FBN1: variants seen among roughly 807,000 people sequenced by gnomAD.
FBN1 encodes fibrillin-1.
A neutral mutation model predicts 365.1 loss-of-function variants in FBN1; 29 were observed. That is an observed-to-expected ratio of 0.08 (90% CI 0.06 to 0.11). The LOEUF (loss-of-function observed/expected upper bound fraction) is 0.11. Among genes scored for constraint, FBN1 ranks in the 10% least tolerant of loss-of-function variants. The probability of loss-of-function intolerance (pLI) is 1.00; values close to 1 mark genes in which losing one functional copy is unlikely to be tolerated. For missense variants in FBN1, 2,476 were observed against 3,703.2 expected (o/e 0.67, Z 8.60); for synonymous variants, 1,210 against 1,270.5 (o/e 0.95, Z 1.01).
chr15:48,575,748 A>G (rs1043681454), intron 6 of FBN1, among the ~76,000 whole-genome samples: 2 of 152,050 alleles, frequency 1.3e-5, no homozygotes, highest in Admixed American at 1.3e-4. Flanking sequence ...AAGCAAAGAT[A>G]TAGAATCAAC....
chr15:48,616,908 C>T (rs1338618263), intron 2 of FBN1, among the ~76,000 whole-genome samples: 4 of 151,846 alleles, frequency 2.6e-5, no homozygotes, highest in Non-Finnish European at 5.9e-5. Context: ...ATGTTTAACA[C>T]TAAAAAAAAA....
chr15:48,412,111 G>A (rs1023132601), intron 65 of FBN1, among the ~76,000 whole-genome samples: 1 of 152,228 alleles, frequency 6.6e-6, no homozygotes, highest in African/African-American at 2.4e-5. Flanking sequence ...CGTAGGCAAA[G>A]GAAACCAGGC....
At chr15:48,621,551 T>A (rs779279592) in intron 2 of FBN1, among the ~76,000 whole-genome samples, 8 of 152,178 alleles carry the variant, frequency 5.3e-5, no homozygotes, top group Non-Finnish European at 1.2e-4. Flanking sequence ...CTGAGAACTG[T>A]GACAGCTAAG....
chr15:48,580,407 C>T (rs550812285), intron 6 of FBN1, among the ~76,000 whole-genome samples: 1 of 152,180 alleles, frequency 6.6e-6, no homozygotes, highest in Non-Finnish European at 1.5e-5. Context: ...TACGTTATAT[C>T]CCTCTGACAT....
At position 48,562,297 on chromosome 15, in the gene FBN1, C is replaced by T. The variant is rs75359142; in HGVS notation, c.539-24489G>A. ...TGGCAGACCGTAGGCCACAAAGAGG[C>T]CATGGATTACTGTGATATATCTACT... is the stretch of plus-strand genomic sequence containing the variant. On this transcript the variant is annotated intron_variant, in intron 6 of 65. Transcript: ENST00000316623. Among the ~76,000 whole-genome samples the T allele has an allele frequency of 3.5e-3, 527 of 152,254 alleles. 20 individuals are homozygous for T. In the East Asian group the frequency reaches 0.052, roughly 15 times the overall value.
At chr15:48,445,961 T>C (rs995922708) in intron 47 of FBN1, among the ~76,000 whole-genome samples, 2 of 152,136 alleles carry the variant, frequency 1.3e-5, no homozygotes, top group South Asian at 2.1e-4. Context: ...GGAGATTCTG[T>C]AGATTCAATG....
chr15:48,489,837 A>C lies in FBN1; in HGVS notation c.3082+14T>G. Reference sequence around the variant, plus strand: ...AAAGGGAGGCAATTGGCCATGGAAAACGTAACATTGTACCTTTGAAGAAAG... The same window carrying C: ...AAAGGGAGGCAATTGGCCATGGAAACCGTAACATTGTACCTTTGAAGAAAG... On this transcript the variant is annotated intron_variant, in intron 25 of 65. Transcript: ENST00000316623. 1 of 1,610,258 alleles carries C rather than the reference A, an allele frequency of 6.2e-7. No homozygotes were observed. Among genetic ancestry groups the C allele is most frequent in the Non-Finnish European group, 8.5e-7 (1 of 1,176,588 alleles).
chr15:48,436,071 C>G (rs2043070041), intron 53 of FBN1, among the ~76,000 whole-genome samples: 1 of 152,022 alleles, frequency 6.6e-6, no homozygotes, highest in Non-Finnish European at 1.5e-5. Flanking sequence ...CATATTAGCA[C>G]TAACTGAAGA....
intron 2 of FBN1, among the ~76,000 whole-genome samples, chr15:48,619,930 A>G (rs998494607): frequency 6.6e-6 from 1 of 152,078 alleles, no homozygotes; most frequent in Non-Finnish European, 1.5e-5. Flanking sequence ...GATACTCTAC[A>G]TGCTTCGACC....
Position 48,496,141 on chromosome 15 carries a change from G to C in FBN1, c.2378C>G (p.Pro793Arg). 1 of 1,613,716 alleles carries C rather than the reference G, an allele frequency of 6.2e-7. No individual in the cohort carries two copies. Among genetic ancestry groups the C allele is most frequent in the South Asian group, 1.1e-5 (1 of 91,062 alleles). The change falls in exon 20 of 66, where the codon CCC becomes CGC. Residue 793 changes from proline (P) to arginine (R), a missense_variant. Pro to Arg is a moderately radical substitution (Grantham distance 103). This residue lies in a region of FBN1 where 1,780 missense variants were observed against 2,840.8 expected (regional missense o/e 0.63). Coordinates refer to ENST00000316623, the MANE Select transcript of FBN1 (RefSeq NM_000138.5). ...ATCAGGTTTGTAGATAAATCCCTTG[G>C]GGCAGGTACAGACAAAACTTCCAGG... ...NTPGSFVCTC[P>R]KGFIYKPDLK...
intron 2 of FBN1, chr15:48,643,121 G>C (rs1456721360): frequency 6.6e-6 from 1 of 152,166 alleles, no homozygotes; most frequent in Non-Finnish European, 1.5e-5. Flanking sequence ...TAGATATTAA[G>C]ATATTATTAT....
chr15:48,445,568 C>T (rs1458305044), intron 47 of FBN1, 64 bp from the exon 48 acceptor site: 3 of 1,562,858 alleles, frequency 1.9e-6, no homozygotes, highest in Non-Finnish European at 2.6e-6. Context: ...CAGCAATAAT[C>T]AAAACTTCTA....
intron 58 of FBN1, 75 bp from the exon 59 acceptor site, chr15:48,425,939 T>C: frequency 8.8e-7 from 1 of 1,138,810 alleles, no homozygotes; most frequent in Non-Finnish European, 1.3e-6. Flanking sequence ...GTCACTTCAG[T>C]GTAAATACTA....
intron 6 of FBN1, among the ~76,000 whole-genome samples, chr15:48,592,297 A>T (rs1052753173): frequency 2.0e-5 from 3 of 152,092 alleles, no homozygotes; most frequent in Non-Finnish European, 4.4e-5. Flanking sequence ...TATCTCCATC[A>T]TTCTTTTCTC....
At position 48,513,584 on chromosome 15, in the gene FBN1, C is replaced by A. The variant is rs794728169; in HGVS notation, c.1553G>T (p.Gly518Val). 1 of 1,614,046 alleles carries A rather than the reference C, an allele frequency of 6.2e-7. No homozygotes were observed. Among genetic ancestry groups the A allele is most frequent in the African/African-American group, 1.3e-5 (1 of 75,022 alleles). The change falls in exon 13 of 66, where the codon GGA becomes GTA. Residue 518 changes from glycine (G) to valine (V), a missense_variant. Physicochemically the swap from Gly to Val is moderately radical, Grantham distance 109. This residue lies in a region of FBN1 where 1,780 missense variants were observed against 2,840.8 expected (regional missense o/e 0.63). Coordinates refer to ENST00000316623, the MANE Select transcript of FBN1 (RefSeq NM_000138.5). ...QGSYTCQCRA[G>V]YQSTLTRTEC... ...TGTCCGCGTGAGTGTGCTCTGATAT[C>A]CAGCTCGGCACTGACAGGTGTACGA...
chr15:48,416,121 T>A (rs893389330), intron 63 of FBN1, among the ~76,000 whole-genome samples: 1 of 152,168 alleles, frequency 6.6e-6, no homozygotes, highest in Non-Finnish European at 1.5e-5. Flanking sequence ...TGAACCAACA[T>A]GGGGCTGGTC....
intron 2 of FBN1, among the ~76,000 whole-genome samples, chr15:48,626,759 A>C (rs1240077338): frequency 2.0e-5 from 3 of 152,154 alleles, no homozygotes; most frequent in African/African-American, 7.2e-5. Flanking sequence ...TTTATTTTTT[A>C]AACATTTAGA....
At chr15:48,601,427 G>C (rs1330047346) in intron 4 of FBN1, among the ~76,000 whole-genome samples, 1 of 152,168 alleles carries the variant, frequency 6.6e-6, no homozygotes, top group African/African-American at 2.4e-5. Context: ...TTGGAGGTTT[G>C]GCTTATTCTG....
In FBN1 at chr15:48,411,284, C is replaced by G; in HGVS notation, c.8322G>C (p.Lys2774Asn). 6.2e-7 allele frequency: 1 copy of G among 1,614,084 alleles called. No homozygotes were observed. Among genetic ancestry groups the G allele is most frequent in the Non-Finnish European group, 8.5e-7 (1 of 1,179,984 alleles). Reference sequence around the variant, plus strand: ...CTGGAAGGAGTTCTAGGATTCGAACCTTGTTACTGACGTGGGAAATATTGA... The same window carrying G: ...CTGGAAGGAGTTCTAGGATTCGAACGTTGTTACTGACGTGGGAAATATTGA... ...FAFNISHVSNKVRILELLPAL... is the reference protein window; with the variant it reads ...FAFNISHVSNNVRILELLPAL... Residue 2774 changes from lysine to asparagine, a missense_variant, in exon 66 of 66, where the codon AAG (lysine) becomes AAC (asparagine). Coordinates refer to ENST00000316623, the MANE Select transcript of FBN1 (RefSeq NM_000138.5).
Sources: gnomAD v4.1 joint callset for allele counts (sites outside exome capture counted in the v4.1 genomes callset) on GRCh38, gnomAD v4.1.1 for gene constraint, gnomAD v4.1.1 regional missense constraint, MANE v1.5 for transcripts, NCBI Gene and HGNC (gene_info 2026-07-23, HGNC 2026-07-21) for gene names.